The following LAMA5 variants were observed in gnomAD, a reference collection of about 807,000 sequenced individuals.
LAMA5 encodes the protein laminin subunit alpha-5.
In LAMA5, 260 loss-of-function variants were observed where a neutral mutation model predicts 433.4. That is an observed-to-expected ratio of 0.60 (90% CI 0.54 to 0.66). The LOEUF is 0.66. Ranked by LOEUF, LAMA5 falls within the 30% of genes least tolerant of loss-of-function variation. The pLI is 0.00. For synonymous variants in LAMA5, 2,620 were observed against 2,226.6 expected, an observed-to-expected ratio of 1.18 and a Z score of -4.97; for missense variants, 5,378 against 5,258.5, an observed-to-expected ratio of 1.02 and a Z score of -0.70.
Position 62,338,487 on chromosome 20 carries a change from G to C in LAMA5, c.1599C>G (p.Phe533Leu), listed in dbSNP as rs759582487. The C allele has an allele frequency of 6.2e-7, 1 of 1,608,958 alleles. No individual in the cohort carries two copies. Among genetic ancestry groups the C allele is most frequent in the South Asian group, 1.1e-5 (1 of 90,152 alleles). Reference protein sequence around the residue: ...GTHCELCAPGFYGPGCQPCQC... With the variant: ...GTHCELCAPGLYGPGCQPCQC... The stretch of plus-strand genomic sequence containing the variant: ...ACTCACGCTGGCAGCCGGGGCCGTA[G>C]AACCCTGGCGCGCAGAGCTCACAAT... Residue 533 changes from phenylalanine (F) to leucine (L), a missense_variant, in exon 12 of 80, where the codon TTC (phenylalanine) becomes TTG (leucine). Transcript: ENST00000252999.
chr20:62,316,322 C>T (rs561252459), intron 57 of LAMA5: 41 of 565,022 alleles, frequency 7.3e-5, no homozygotes, highest in African/African-American at 9.3e-5. Flanking sequence ...AAGAGACAGC[C>T]CTCTGGTCCT....
At position 62,320,681 on chromosome 20, in the gene LAMA5, G is replaced by A. The variant is rs774709013; in HGVS notation, c.6649-12C>T. The stretch of plus-strand genomic sequence containing the variant: ...CTCCGGAGCTGGCTCTGTGGGAGGC[G>A]AAAGGTGAAGGCCTGCACTGGCCCG... On this transcript the variant is annotated splice_polypyrimidine_tract_variant and intron_variant, in intron 49 of 79. Transcript: ENST00000252999. 46 of 1,611,224 alleles carry A rather than the reference G, an allele frequency of 2.9e-5. No homozygotes were observed. Among genetic ancestry groups the A allele is most frequent in the Admixed American group, 1.2e-4 (7 of 59,714 alleles).
chr20:62,351,590 T>A, intron 6 of LAMA5, 114 bp downstream of exon 6: 1 of 918,010 alleles, frequency 1.1e-6, no homozygotes, highest in South Asian at 1.5e-5. Context: ...AGCAGGGTTG[T>A]GGTGGGCCAT....
chr20:62,351,584 G>A, intron 6 of LAMA5, 120 bp downstream of exon 6: 1 of 872,160 alleles, frequency 1.1e-6, no homozygotes, highest in Admixed American at 2.0e-5. Context: ...ACAGACAGCA[G>A]GGTTGTGGTG....
At chr20:62,351,234 T>C (rs1984238779) in intron 6 of LAMA5, 1 of 207,254 alleles carries the variant, frequency 4.8e-6, no homozygotes, top group Non-Finnish European at 1.0e-5. Context: ...AAGTTGTCTG[T>C]TGTGTCCTGA....
In LAMA5 at chr20:62,334,318, C is replaced by G. The variant is rs752471451; in HGVS notation, c.2607G>C (p.Pro869=). The change falls in exon 22 of 80, where the codon CCG becomes CCC. Residue 869 remains proline (P), a synonymous_variant. Transcript: ENST00000252999. ...GCTCCAGGCGCAGGTGGTGCAGGTCCGGGAGGTAGTGGTCCCTCGCAGGCC... is the reference window on the plus strand; with the variant it reads ...GCTCCAGGCGCAGGTGGTGCAGGTCGGGGAGGTAGTGGTCCCTCGCAGGCC... The part of the protein sequence containing the change: ...CSEPARDHYL[P]DLHHLRLELE... The G allele has an allele frequency of 1.5e-5, 24 of 1,608,096 alleles. No homozygotes were observed. The highest frequency in any genetic ancestry group is 2.2e-5 in the East Asian group (1 of 44,660).
chr20:62,340,305 G>GTTTTTTTTTTTT (rs34415039), intron 11 of LAMA5, among the ~76,000 whole-genome samples: 1 of 99,464 alleles, frequency 1.0e-5, no homozygotes. Context: ...AGCCTCCTTT[G>GTTTTTTTTTTTT]TTTTTTTTTT....
intron 3 of LAMA5, 44 bp downstream of exon 3, chr20:62,353,089 AC>A (rs761487021): frequency 1.1e-5 from 16 of 1,394,924 alleles, no homozygotes; most frequent in Admixed American, 2.1e-5. Flanking sequence ...CTGCCCAGGG[AC>A]CCCCCTGCCT....
intron 28 of LAMA5, among the ~76,000 whole-genome samples, 194 bp downstream of exon 28, chr20:62,332,178 G>T (rs974353394): frequency 6.6e-6 from 1 of 152,216 alleles, no homozygotes; most frequent in African/African-American, 2.4e-5. Flanking sequence ...GAACAGCTCG[G>T]GGGTACGTCA....
At chr20:62,361,424 A>G (rs1312051281) in intron 2 of LAMA5, among the ~76,000 whole-genome samples, 1 of 152,192 alleles carries the variant, frequency 6.6e-6, no homozygotes, top group East Asian at 1.9e-4. Flanking sequence ...AGCCCGGGCC[A>G]GGCCTGCAGA....
In LAMA5 at chr20:62,311,681, C is replaced by T; in HGVS notation, c.9739G>A (p.Gly3247Arg). Residue 3247 changes from glycine (G) to arginine (R), a missense_variant, in exon 71 of 80, where the codon GGA (glycine) becomes AGA (arginine). Physicochemically the swap from Gly to Arg is moderately radical, Grantham distance 125. Coordinates refer to ENST00000252999, the MANE Select transcript of LAMA5 (RefSeq NM_005560.6). ...QPEGPPRLLL[G>R]GLPESGTIYN... Reference sequence around the variant, plus strand: ...ATGGTGCCAGACTCAGGCAGGCCTCCCAGGAGGAGCCTCGGGGGCCCCTCA... The same window carrying T: ...ATGGTGCCAGACTCAGGCAGGCCTCTCAGGAGGAGCCTCGGGGGCCCCTCA... The T allele has an allele frequency of 6.3e-7, 1 of 1,588,458 alleles. No individual in the cohort carries two copies. The highest frequency in any genetic ancestry group is 8.6e-7 in the Non-Finnish European group (1 of 1,168,520).
chr20:62,310,048 A>C lies in LAMA5; in HGVS notation c.10768T>G (p.Phe3590Val), dbSNP rs781683832. 1 of 1,610,984 alleles carries C rather than the reference A, an allele frequency of 6.2e-7. No individual in the cohort carries two copies. Among genetic ancestry groups the C allele is most frequent in the Non-Finnish European group, 8.5e-7 (1 of 1,179,700 alleles). ...LLRADDGAGE[F>V]STSVTRPSVL... ...GAGGGGCGGGTCACTGACGTGGAGAACTCCCCTGCTCCGTCATCCGCCCGC... is the reference window on the plus strand; with the variant it reads ...GAGGGGCGGGTCACTGACGTGGAGACCTCCCCTGCTCCGTCATCCGCCCGC... The change falls in exon 78 of 80, where the codon TTC becomes GTC. Residue 3590 changes from phenylalanine to valine, a missense_variant. Transcript: ENST00000252999.
At chr20:62,309,545 CGT>C (rs1037163115) in intron 79 of LAMA5, 70 bp from the exon 80 acceptor site, 25 of 1,267,578 alleles carry the variant, frequency 2.0e-5, no homozygotes, top group Non-Finnish European at 2.5e-5. Flanking sequence ...CCTTCCCAAA[CGT>C]CAGTGCCCCA....
At position 62,327,902 on chromosome 20, in the gene LAMA5, G is replaced by T. The variant is rs561264851; in HGVS notation, c.4761C>A (p.Gly1587=). 1 of 1,611,580 alleles carries T rather than the reference G, an allele frequency of 6.2e-7. No individual in the cohort carries two copies. The highest frequency in any genetic ancestry group is 8.5e-7 in the Non-Finnish European group (1 of 1,179,720). The change falls in exon 36 of 80, where the codon GGC becomes GGA. Residue 1587 remains glycine (G), a synonymous_variant. Transcript: ENST00000252999. ...CDCHEAGTAP[G]VCDPLTGQCY... is the part of the protein sequence containing the mutation. The stretch of plus-strand genomic sequence containing the variant: ...ACTGCCCTGTGAGGGGGTCACACAC[G>T]CCAGGCGCAGTGCCCGCCTCGTGAC...
intron 76 of LAMA5, 49 bp from the exon 77 acceptor site, chr20:62,310,360 A>AG: frequency 6.4e-7 from 1 of 1,569,906 alleles, no homozygotes; most frequent in East Asian, 2.2e-5. Context: ...CCCTCCCCAG[A>AG]ACCTCCTGGA....
rs138393191 is a variant in LAMA5 at position 62,320,760 on chromosome 20, G to A, written c.6627C>T (p.Asn2209=). Residue 2209 remains asparagine, a synonymous_variant, in exon 49 of 80, where the codon AAC becomes AAT. Transcript: ENST00000252999. The stretch of plus-strand genomic sequence containing the variant: ...GTACCTGCAGGTCAGCGATGGAGGC[G>A]TTCAGCCTGTGCAGACGGGCCCAGG... ...SMAWARLHRL[N]ASIADLQSQL... 2.2e-5 allele frequency: 35 copies of A among 1,612,570 alleles called. No homozygotes were observed. Among genetic ancestry groups the A allele is most frequent in the South Asian group, 8.8e-5 (8 of 91,092 alleles).
At chr20:62,331,619 G>A (rs1980476864) in intron 28 of LAMA5, among the ~76,000 whole-genome samples, 1 of 152,190 alleles carries the variant, frequency 6.6e-6, no homozygotes, top group Admixed American at 6.5e-5. Context: ...ACCCAGGCAG[G>A]CACTCAGCAG....
Position 62,315,214 on chromosome 20 carries a change from T to TGGGCAGA in LAMA5, c.7868-14_7868-8dup. On this transcript the variant is annotated splice_region_variant and splice_polypyrimidine_tract_variant and intron_variant, in intron 58 of 79. Coordinates refer to ENST00000252999, the MANE Select transcript of LAMA5 (RefSeq NM_005560.6). ...ATCTTCTTGCTTGTCTCGTCTGTGG[T>TGGGCAGA]GGGCAGAGGGCAGGCTCAGCAGGGG... 6.3e-7 allele frequency: 1 copy of TGGGCAGA among 1,598,462 alleles called. No individual in the cohort carries two copies. The highest frequency in any genetic ancestry group is 8.5e-7 in the Non-Finnish European group (1 of 1,171,662).
chr20:62,343,362 C>T (rs529466810), intron 11 of LAMA5, among the ~76,000 whole-genome samples: 5 of 152,174 alleles, frequency 3.3e-5, no homozygotes, highest in Non-Finnish European at 7.3e-5. Context: ...GCCAGAGATT[C>T]GGTAGAACAA....
Sources: gnomAD v4.1 joint callset for allele counts (sites outside exome capture counted in the v4.1 genomes callset) on GRCh38, gnomAD v4.1.1 for gene constraint, MANE v1.5 for transcripts, NCBI Gene and HGNC (gene_info 2026-07-23, HGNC 2026-07-21) for gene names.